SLC16A12: variants seen among roughly 807,000 people sequenced by gnomAD.
The protein encoded by SLC16A12 is monocarboxylate transporter 12.
SLC16A12 carries 17 observed loss-of-function variants against 42.4 expected under a neutral mutation model. The observed-to-expected ratio is 0.40, with a 90% CI of 0.27 to 0.60. The LOEUF is 0.60. SLC16A12 is among the 20% of genes least tolerant of loss of function. The probability of loss-of-function intolerance (pLI) is 0.42; values close to 1 mark genes in which losing one functional copy is unlikely to be tolerated. For missense variants in SLC16A12, 544 were observed against 623.0 expected (o/e 0.87, Z 1.35); for synonymous variants, 224 against 229.4 (o/e 0.98, Z 0.21).
intron 2 of SLC16A12, among the ~76,000 whole-genome samples, chr10:89,480,169 A>G (rs1445647484): frequency 7.2e-5 from 11 of 152,200 alleles, no homozygotes; most frequent in Admixed American, 6.5e-4. Context: ...CCTCAGTTAT[A>G]CTACTACTCT....
At chr10:89,486,979 A>G (rs1842766287) in intron 2 of SLC16A12, among the ~76,000 whole-genome samples, 1 of 152,200 alleles carries the variant, frequency 6.6e-6, no homozygotes, top group Non-Finnish European at 1.5e-5. Flanking sequence ...GTCAAAAGAC[A>G]CTCCAGGAGA....
At chr10:89,445,072 G>A (rs113198521) in intron 3 of SLC16A12, among the ~76,000 whole-genome samples, 2 of 152,380 alleles carry the variant, frequency 1.3e-5, no homozygotes, top group African/African-American at 4.8e-5. Flanking sequence ...GCTGAGGCTT[G>A]AGTAGGTAAA....
chr10:89,551,732 C>A (rs1033241506), intron 2 of SLC16A12, among the ~76,000 whole-genome samples: 1 of 152,174 alleles, frequency 6.6e-6, no homozygotes, highest in Admixed American at 6.5e-5. Context: ...GCATCTTCTT[C>A]ATTTTCTCTG....
At chr10:89,524,517 G>T (rs1274225389) in intron 2 of SLC16A12, among the ~76,000 whole-genome samples, 1 of 152,140 alleles carries the variant, frequency 6.6e-6, no homozygotes, top group Non-Finnish European at 1.5e-5. Flanking sequence ...TGCTCCTACT[G>T]CCTAGAAGGT....
intron 2 of SLC16A12, among the ~76,000 whole-genome samples, chr10:89,471,945 G>A (rs1379096330): frequency 3.3e-5 from 5 of 152,020 alleles, no homozygotes; most frequent in Non-Finnish European, 7.4e-5. Flanking sequence ...GTCTATTCAA[G>A]TATTATGCCT....
intron 2 of SLC16A12, among the ~76,000 whole-genome samples, chr10:89,485,443 G>T (rs117288046): frequency 3.0e-4 from 45 of 152,288 alleles, no homozygotes; most frequent in African/African-American, 9.9e-4. Context: ...GACATCTAAC[G>T]GCTCATCCTG....
chr10:89,540,480 G>T (rs1653683769), upstream of SLC16A12, among the ~76,000 whole-genome samples: 1 of 151,962 alleles, frequency 6.6e-6, no homozygotes, highest in South Asian at 2.1e-4. Context: ...TTAGACTTTA[G>T]CCCCTATTTC....
chr10:89,438,917 T>C lies in SLC16A12; in HGVS notation c.715A>G (p.Asn239Asp). 6.2e-7 allele frequency: 1 copy of C among 1,614,198 alleles called. No individual in the cohort carries two copies. The highest frequency in any genetic ancestry group is 1.1e-5 in the South Asian group (1 of 91,086). ...TCTTTCTGAGTTCTACACACATGGTTCTGCTCTGGAGTTGTGTGGTCCTCT... is the reference window on the plus strand; with the variant it reads ...TCTTTCTGAGTTCTACACACATGGTCCTGCTCTGGAGTTGTGTGGTCCTCT... ...LKEDHTTPEQ[N>D]HVCRTQKEDI... Residue 239 changes from asparagine to aspartate, a missense_variant, in exon 6 of 8, where the codon AAC (asparagine) becomes GAC (aspartate). Asn to Asp is a conservative substitution (Grantham distance 23). Coordinates refer to ENST00000371790, the MANE Select transcript of SLC16A12 (RefSeq NM_213606.4).
chr10:89,471,328 TA>T (rs1842490329), intron 2 of SLC16A12, among the ~76,000 whole-genome samples: 1 of 152,224 alleles, frequency 6.6e-6, no homozygotes. Context: ...GTTGTCAATA[TA>T]GATTGCTTTC....
At chr10:89,514,607 T>C (rs1031991507) in intron 2 of SLC16A12, among the ~76,000 whole-genome samples, 11 of 152,164 alleles carry the variant, frequency 7.2e-5, no homozygotes, top group African/African-American at 2.7e-4. Context: ...GGACACTAAT[T>C]TCATCATGAA....
At chr10:89,510,129 G>A (rs894096276) in intron 2 of SLC16A12, among the ~76,000 whole-genome samples, 1 of 152,180 alleles carries the variant, frequency 6.6e-6, no homozygotes, top group African/African-American at 2.4e-5. Flanking sequence ...TGGATAGGAA[G>A]GATCAATATC....
At chr10:89,539,897 C>CTTTCT (rs1214201455), upstream of SLC16A12, among the ~76,000 whole-genome samples, 5 of 146,290 alleles carry the variant, frequency 3.4e-5, no homozygotes, top group East Asian at 9.8e-4. Flanking sequence ...TTCTTTCTTT[C>CTTTCT]TTTCTTTCTT....
At chr10:89,457,205 A>G (rs913174877) in intron 3 of SLC16A12, among the ~76,000 whole-genome samples, 14 of 152,214 alleles carry the variant, frequency 9.2e-5, no homozygotes, top group African/African-American at 3.4e-4. Flanking sequence ...ACAGAATGGG[A>G]AAAAATTTTT....
chr10:89,451,213 T>G (rs1204267159), intron 3 of SLC16A12, among the ~76,000 whole-genome samples: 1 of 152,176 alleles, frequency 6.6e-6, no homozygotes, highest in Non-Finnish European at 1.5e-5. Context: ...ACCTGTTATG[T>G]TCACTCTCCC....
chr10:89,516,798 T>A (rs910934552), intron 2 of SLC16A12, among the ~76,000 whole-genome samples: 4 of 152,234 alleles, frequency 2.6e-5, no homozygotes, highest in Non-Finnish European at 5.9e-5. Context: ...AAGAGTTTTG[T>A]GGCCCTACTG....
intron 2 of SLC16A12, among the ~76,000 whole-genome samples, chr10:89,516,276 C>T (rs927426565): frequency 3.3e-5 from 5 of 152,264 alleles, no homozygotes; most frequent in South Asian, 2.1e-4. Flanking sequence ...TGAGCCCTGA[C>T]GTGTCCTCTC....
At chr10:89,548,132 T>C (rs1843751839) in intron 2 of SLC16A12, among the ~76,000 whole-genome samples, 1 of 152,140 alleles carries the variant, frequency 6.6e-6, no homozygotes, top group Non-Finnish European at 1.5e-5. Context: ...GTACTAATAC[T>C]TGCAGTGGAA....
At chr10:89,542,268 A>G (rs1843719799) in intron 2 of SLC16A12, among the ~76,000 whole-genome samples, 1 of 151,562 alleles carries the variant, frequency 6.6e-6, no homozygotes, top group African/African-American at 2.4e-5. Flanking sequence ...TTAAACAACA[A>G]TAAAGCAAAT....
intron 2 of SLC16A12, among the ~76,000 whole-genome samples, chr10:89,511,698 A>T (rs304469): frequency 0.33 from 50,323 of 151,976 alleles, 8,942 homozygotes; most frequent in Non-Finnish European, 0.41. Flanking sequence ...AACCTGCATG[A>T]TGTGCACATG....
Sources: gnomAD v4.1 joint callset for allele counts (sites outside exome capture counted in the v4.1 genomes callset) on GRCh38, gnomAD v4.1.1 for gene constraint, MANE v1.5 for transcripts, NCBI Gene and HGNC (gene_info 2026-07-23, HGNC 2026-07-21) for gene names.